AFG1L: variants seen among roughly 807,000 people sequenced by gnomAD.
AFG1L encodes the protein AFG1-like ATPase.
In AFG1L, 53 loss-of-function variants were observed where a neutral mutation model predicts 62.2. The observed-to-expected ratio is 0.85, with a 90% confidence interval of 0.68 to 1.07. AFG1L has a LOEUF of 1.07. Among genes scored for constraint, AFG1L ranks in the 50% least tolerant of loss-of-function variants. The probability of loss-of-function intolerance (pLI) is 0.00; values close to 1 mark genes in which losing one functional copy is unlikely to be tolerated. For synonymous variants in AFG1L, 228 were observed against 210.3 expected, an observed-to-expected ratio of 1.08 and a Z score of -0.73; for missense variants, 555 against 590.5, an observed-to-expected ratio of 0.94 and a Z score of 0.62.
chr6:108,491,205 C>T (rs539102017), intron 10 of AFG1L, among the ~76,000 whole-genome samples: 4 of 152,240 alleles, frequency 2.6e-5, no homozygotes, highest in South Asian at 4.1e-4. Flanking sequence ...CATAAATCTA[C>T]ATCATAAACT....
At chr6:108,508,413 G>C (rs962465867) in intron 10 of AFG1L, among the ~76,000 whole-genome samples, 5 of 152,224 alleles carry the variant, frequency 3.3e-5, no homozygotes, top group Non-Finnish European at 7.3e-5. Context: ...TGGAGGTAGA[G>C]GCTTTCCAGC....
At chr6:108,340,079 C>G (rs1778624828) in intron 2 of AFG1L, among the ~76,000 whole-genome samples, 1 of 151,030 alleles carries the variant, frequency 6.6e-6, no homozygotes, top group Non-Finnish European at 1.5e-5. Context: ...TGGTAACCAT[C>G]CTTCTACTTG....
chr6:108,326,078 A>C (rs770624086), intron 2 of AFG1L, among the ~76,000 whole-genome samples: 1 of 150,434 alleles, frequency 6.6e-6, no homozygotes, highest in Non-Finnish European at 1.5e-5. Flanking sequence ...TGCCTGGCCT[A>C]TTTTTTTTTG....
chr6:108,453,523 G>A (rs2114764712), intron 8 of AFG1L, among the ~76,000 whole-genome samples: 1 of 152,280 alleles, frequency 6.6e-6, no homozygotes, highest in Non-Finnish European at 1.5e-5. Context: ...TTATAGCTCT[G>A]TTTCAGAAGA....
chr6:108,413,736 A>G (rs1179767875), intron 7 of AFG1L, among the ~76,000 whole-genome samples: 3 of 152,332 alleles, frequency 2.0e-5, no homozygotes, highest in East Asian at 3.9e-4. Flanking sequence ...CAAAGACACA[A>G]CATACCAGAA....
chr6:108,313,261 C>T (rs1162716390), intron 1 of AFG1L, among the ~76,000 whole-genome samples: 1 of 152,156 alleles, frequency 6.6e-6, no homozygotes, highest in African/African-American at 2.4e-5. Context: ...CCACAGATGC[C>T]ACTTCCTGGC....
intron 2 of AFG1L, among the ~76,000 whole-genome samples, chr6:108,336,594 A>G (rs1778485685): frequency 6.6e-6 from 1 of 152,210 alleles, no homozygotes; most frequent in African/African-American, 2.4e-5. Context: ...GCAGTAAAGG[A>G]ATAGTTTTGA....
At chr6:108,459,407 G>T (rs749087397) in intron 8 of AFG1L, among the ~76,000 whole-genome samples, 1 of 152,046 alleles carries the variant, frequency 6.6e-6, no homozygotes, top group African/African-American at 2.4e-5. Flanking sequence ...CTTTCCCTGG[G>T]GATCGCTGTA....
intron 3 of AFG1L, among the ~76,000 whole-genome samples, chr6:108,352,008 G>T (rs1779101501): frequency 6.6e-6 from 1 of 152,112 alleles, no homozygotes; most frequent in African/African-American, 2.4e-5. Context: ...GTATAATTCA[G>T]TAGTATTGTC....
intron 5 of AFG1L, among the ~76,000 whole-genome samples, chr6:108,365,915 GT>G (rs1194629315): frequency 6.6e-6 from 1 of 151,994 alleles, no homozygotes; most frequent in Non-Finnish European, 1.5e-5. Flanking sequence ...TGTTGGTCAT[GT>G]TAGTTCTAAT....
intron 1 of AFG1L, among the ~76,000 whole-genome samples, chr6:108,312,345 C>T (rs1008763160): frequency 1.3e-5 from 2 of 151,952 alleles, no homozygotes; most frequent in African/African-American, 4.8e-5. Context: ...TCAAGACCAG[C>T]TTGGGCAACA....
chr6:108,312,383 TA>T (rs1193986126), intron 1 of AFG1L, among the ~76,000 whole-genome samples: 1 of 151,204 alleles, frequency 6.6e-6, no homozygotes, highest in Admixed American at 6.6e-5. Flanking sequence ...TACAAAAAAG[TA>T]AAAAAAATAA....
intron 1 of AFG1L, among the ~76,000 whole-genome samples, chr6:108,303,910 T>C (rs1347049017): frequency 6.6e-6 from 1 of 152,254 alleles, no homozygotes; most frequent in Non-Finnish European, 1.5e-5. Flanking sequence ...AAGGAGTTAC[T>C]CAGTATGCTG....
At chr6:108,359,695 C>T (rs536480272) in intron 5 of AFG1L, 41 of 152,318 alleles carry the variant, frequency 2.7e-4, no homozygotes, top group African/African-American at 9.4e-4. Context: ...ATGGGCCAGT[C>T]GTAGACCCTC....
At chr6:108,358,751 C>T (rs56407491) in intron 5 of AFG1L, among the ~76,000 whole-genome samples, 3,219 of 152,258 alleles carry the variant, frequency 0.021, 129 homozygotes, top group African/African-American at 0.074. Context: ...CCAGGCTGGT[C>T]GCGAACTCCT....
chr6:108,334,999 CTT>C (rs1159861156), intron 2 of AFG1L, among the ~76,000 whole-genome samples: 1 of 145,918 alleles, frequency 6.9e-6, no homozygotes. Context: ...TTCTTTCTTT[CTT>C]TTTTTTTTTT....
chr6:108,373,762 A>T lies in AFG1L; in HGVS notation c.748+7430A>T, dbSNP rs1341928659. 5.0e-3 allele frequency among the ~76,000 whole-genome samples: 3 copies of T among 600 alleles called. No individual in the cohort carries two copies. The Non-Finnish European group carries it at 0.25, about 50-fold the overall frequency. The allele number at this position is 600 out of a possible 152,430, so 0.4% of individuals were successfully genotyped here. Reference sequence around the variant, plus strand: ...CGGCTAATTTTTGTAGTTTTAGTAGAAGATGGGGTTTCACCATATTGGCCA... The same window carrying T: ...CGGCTAATTTTTGTAGTTTTAGTAGTAGATGGGGTTTCACCATATTGGCCA... On this transcript the variant is annotated intron_variant, in intron 6 of 12. Coordinates refer to ENST00000368977, the MANE Select transcript of AFG1L (RefSeq NM_145315.5).
chr6:108,423,806 A>G lies in AFG1L; in HGVS notation c.807+21752A>G, dbSNP rs1005805104. ...TACAATTTGAACACTAACTACTGATAGTTTGGTTTTTATTAAATGTGAACT... is the reference window on the plus strand; with the variant it reads ...TACAATTTGAACACTAACTACTGATGGTTTGGTTTTTATTAAATGTGAACT... On this transcript the variant is annotated intron_variant, in intron 7 of 12. Coordinates refer to ENST00000368977, the MANE Select transcript of AFG1L (RefSeq NM_145315.5). Among the ~76,000 whole-genome samples, 5 of 152,062 alleles carry G rather than the reference A, an allele frequency of 3.3e-5. No individual in the cohort carries two copies. In the South Asian group the frequency reaches 6.2e-4, roughly 19 times the overall value.
chr6:108,478,114 C>T (rs762307202), intron 10 of AFG1L, among the ~76,000 whole-genome samples: 7 of 152,156 alleles, frequency 4.6e-5, no homozygotes, highest in Non-Finnish European at 8.8e-5. Flanking sequence ...AATACTTATA[C>T]CTGCGGCCAT....
Sources: gnomAD v4.1 joint callset for allele counts (sites outside exome capture counted in the v4.1 genomes callset) on GRCh38, gnomAD v4.1.1 for gene constraint, MANE v1.5 for transcripts, NCBI Gene and HGNC (gene_info 2026-07-23, HGNC 2026-07-21) for gene names.